MX2: variants seen among roughly 807,000 people sequenced by gnomAD.
MX2 encodes the protein interferon-induced GTP-binding protein Mx2.
In MX2, 51 loss-of-function variants were observed where a neutral mutation model predicts 74.0. The observed-to-expected ratio is 0.69, with a 90% confidence interval of 0.55 to 0.87. The LOEUF (loss-of-function observed/expected upper bound fraction) is 0.87, where lower values mean the gene tolerates loss of function less well. Among genes scored for constraint, MX2 ranks in the 40% least tolerant of loss-of-function variants. The pLI, the probability that MX2 is intolerant of heterozygous loss-of-function variation, is 0.00. For synonymous variants in MX2, 369 were observed against 339.3 expected, an observed-to-expected ratio of 1.09 and a Z score of -0.96; for missense variants, 832 against 908.7, an observed-to-expected ratio of 0.92 and a Z score of 1.09.
Position 41,366,958 on chromosome 21 carries a change from G to A in MX2, c.-72+4903G>A, listed in dbSNP as rs1386892497. On this transcript the variant is annotated intron_variant, in intron 1 of 13. Coordinates refer to ENST00000330714, the MANE Select transcript of MX2 (RefSeq NM_002463.2). This position sits in a 1 kb window ranked among gnomAD's most constrained non-coding sequence, Gnocchi z 4.5. ...TATCTCTTGCGTACTCTGCTCTGAG[G>A]TGTTTTAAAAAGCGCCACCATAAAC... is the stretch of plus-strand genomic sequence containing the variant. 2 of 152,256 alleles carry A rather than the reference G, an allele frequency of 1.3e-5. No homozygotes were observed. Among genetic ancestry groups the A allele is most frequent in the African/African-American group, 2.4e-5 (1 of 41,422 alleles). 9.4% of individuals were successfully genotyped at this position (152,256 alleles called of 1,614,324 possible).
At chr21:41,377,441 C>G (rs1183767199) in intron 2 of MX2, among the ~76,000 whole-genome samples, 2 of 152,180 alleles carry the variant, frequency 1.3e-5, no homozygotes, top group African/African-American at 4.8e-5. Context: ...AGCCCACCCA[C>G]TTGCCACCCT....
In MX2 at chr21:41,380,010, C is replaced by T. The variant is rs944252138; in HGVS notation, c.443-7C>T. The T allele has an allele frequency of 5.0e-6, 8 of 1,613,446 alleles. No individual in the cohort carries two copies. Among genetic ancestry groups the T allele is most frequent in the Admixed American group, 1.7e-5 (1 of 59,906 alleles). On this transcript the variant is annotated splice_region_variant and splice_polypyrimidine_tract_variant and intron_variant, in intron 3 of 13. Coordinates refer to ENST00000330714, the MANE Select transcript of MX2 (RefSeq NM_002463.2). This position sits in a 1 kb window ranked among gnomAD's most constrained non-coding sequence, Gnocchi z 4.3. ...AACTGAGGATATTTGGGGAACCTCTCGCTCAGGAATCGTAACCAGGTGTCC... is the reference window on the plus strand; with the variant it reads ...AACTGAGGATATTTGGGGAACCTCTTGCTCAGGAATCGTAACCAGGTGTCC...
chr21:41,395,921 G>C, intron 7 of MX2, 136 bp downstream of exon 7: 1 of 826,226 alleles, frequency 1.2e-6, no homozygotes, highest in South Asian at 1.8e-5. Context: ...TGATTTTTGT[G>C]CTAGATTTCT....
intron 6 of MX2, among the ~76,000 whole-genome samples, chr21:41,392,740 A>G (rs1456811354): frequency 3.9e-5 from 6 of 152,112 alleles, no homozygotes; most frequent in Non-Finnish European, 8.8e-5. Context: ...AGCAGGGGGG[A>G]GCATCCTATT....
intron 1 of MX2, among the ~76,000 whole-genome samples, chr21:41,367,720 C>T (rs1248191938): frequency 2.0e-5 from 3 of 152,208 alleles, no homozygotes; most frequent in Non-Finnish European, 4.4e-5. Context: ...CCTGGTTTAA[C>T]AGCAGCCTCG....
Position 41,395,571 on chromosome 21 carries a change from T to C in MX2, c.872-16T>C. On this transcript the variant is annotated splice_polypyrimidine_tract_variant and intron_variant, in intron 6 of 13. Transcript: ENST00000330714. ...ATCACTGACCTTTCCATTTCCCTTC[T>C]TTAACCATCTCACAGGTATCCTGAC... is the stretch of plus-strand genomic sequence containing the variant. 1 of 1,613,396 alleles carries C rather than the reference T, an allele frequency of 6.2e-7. No homozygotes were observed. Among genetic ancestry groups the C allele is most frequent in the Non-Finnish European group, 8.5e-7 (1 of 1,179,462 alleles).
rs2089508000 is a variant in MX2 at position 41,382,392 on chromosome 21, C to G, written c.578-18C>G. 1 of 1,610,816 alleles carries G rather than the reference C, an allele frequency of 6.2e-7. No individual in the cohort carries two copies. The highest frequency in any genetic ancestry group is 8.5e-7 in the Non-Finnish European group (1 of 1,177,856). On this transcript the variant is annotated intron_variant, in intron 4 of 13. Coordinates refer to ENST00000330714, the MANE Select transcript of MX2 (RefSeq NM_002463.2). The stretch of plus-strand genomic sequence containing the variant: ...CATTAATGAGGGCTCTGGGTTTCTC[C>G]CCTCCTGGCCTCCATAGCCCAGAAC...
At chr21:41,372,058 TA>T (rs1255060274) in intron 1 of MX2, among the ~76,000 whole-genome samples, 3 of 152,226 alleles carry the variant, frequency 2.0e-5, no homozygotes, top group Non-Finnish European at 2.9e-5. Flanking sequence ...ACAGTAAGTC[TA>T]TAATCTTTTG....
chr21:41,387,957 G>A (rs150584899), intron 5 of MX2, among the ~76,000 whole-genome samples: 6 of 152,034 alleles, frequency 3.9e-5, no homozygotes, highest in South Asian at 2.1e-4. Flanking sequence ...CACACGACAC[G>A]TCCAGTCCAC....
chr21:41,377,671 C>A, intron 2 of MX2, 118 bp from the exon 3 acceptor site: 1 of 1,082,644 alleles, frequency 9.2e-7, no homozygotes, highest in Non-Finnish European at 1.3e-6. Flanking sequence ...TCCACCTTCT[C>A]ACCTCCTGTC....
chr21:41,387,824 C>T (rs567193991), intron 5 of MX2, among the ~76,000 whole-genome samples: 19 of 152,284 alleles, frequency 1.2e-4, no homozygotes, highest in African/African-American at 4.3e-4. Context: ...CCAAGCAACA[C>T]CCGATCTTCC....
At chr21:41,371,725 T>C (rs2089327670) in intron 1 of MX2, among the ~76,000 whole-genome samples, 1 of 152,096 alleles carries the variant, frequency 6.6e-6, no homozygotes, top group Non-Finnish European at 1.5e-5. Context: ...TAAGGAGTAA[T>C]CTTCTGCTTA....
chr21:41,388,333 G>A lies in MX2; in HGVS notation c.733-2232G>A, dbSNP rs569427720. Among the ~76,000 whole-genome samples, 26 of 152,294 alleles carry A rather than the reference G, an allele frequency of 1.7e-4. No individual in the cohort carries two copies. The South Asian group carries it at 4.1e-3, about 24-fold the overall frequency. ...CCACCCTACCACATCCGGGTTCTGCGGCCCTTGGTCCCTCTGGCTCACTTT... is the reference window on the plus strand; with the variant it reads ...CCACCCTACCACATCCGGGTTCTGCAGCCCTTGGTCCCTCTGGCTCACTTT... On this transcript the variant is annotated intron_variant, in intron 5 of 13. Transcript: ENST00000330714. This position sits in a 1 kb window ranked among gnomAD's most constrained non-coding sequence, Gnocchi z 4.0.
At chr21:41,370,608 G>C (rs1026071070) in intron 1 of MX2, 1 of 152,318 alleles carries the variant, frequency 6.6e-6, no homozygotes, top group African/African-American at 2.4e-5. Flanking sequence ...TTTCATGAGC[G>C]GAGAAGAGTT....
Position 41,402,999 on chromosome 21 carries a change from C to A in MX2, c.1574-268C>A. On this transcript the variant is annotated intron_variant, in intron 11 of 13. Transcript: ENST00000330714. This position sits in a 1 kb window ranked among gnomAD's most constrained non-coding sequence, Gnocchi z 4.5. ...CTGGTCCAGCCTGGGAGTTGGGGAC[C>A]CCTGATGTAAGGAATAGTCAGAGGC... The A allele has an allele frequency of 2.5e-6, 1 of 397,444 alleles. No individual in the cohort carries two copies. Among genetic ancestry groups the A allele is most frequent in the Admixed American group, 3.7e-5 (1 of 26,978 alleles). 24.6% of individuals were successfully genotyped at this position (397,444 alleles called of 1,614,324 possible). A position where few individuals can be genotyped will look rare whatever the true frequency, so the allele number is the denominator to read the frequency against.
intron 3 of MX2, among the ~76,000 whole-genome samples, chr21:41,378,957 T>A (rs529762549): frequency 6.6e-6 from 1 of 152,270 alleles, no homozygotes; most frequent in African/African-American, 2.4e-5. Context: ...TCTGATGGTT[T>A]CTCCAAGGTT....
intron 9 of MX2, 68 bp downstream of exon 9, chr21:41,399,087 C>G (rs928923704): frequency 3.8e-6 from 6 of 1,595,262 alleles, no homozygotes; most frequent in Non-Finnish European, 3.4e-6. Context: ...CTGCCCTTCC[C>G]CTTCTTCACC....
At chr21:41,362,218 G>A (rs962227028) in intron 1 of MX2, among the ~76,000 whole-genome samples, 163 bp downstream of exon 1, 5 of 152,128 alleles carry the variant, frequency 3.3e-5, no homozygotes, top group African/African-American at 1.2e-4. Context: ...GGAGCAGAAA[G>A]GGCCCATGTT....
intron 12 of MX2, 131 bp from the exon 13 acceptor site, chr21:41,406,613 C>A: frequency 1.0e-6 from 1 of 974,422 alleles, no homozygotes; most frequent in Non-Finnish European, 1.5e-6. Context: ...ATCATCATTT[C>A]AAGTCTCAGG....
Sources: allele counts gnomAD v4.1 joint callset (sites outside exome capture counted in the v4.1 genomes callset), GRCh38; gene constraint gnomAD v4.1.1; non-coding constraint Gnocchi (gnomAD v3.1); transcripts MANE v1.5; gene names NCBI Gene and HGNC (gene_info 2026-07-23, HGNC 2026-07-21).